Variants in PHLDB2 observed in about 807,000 individuals in gnomAD.
PHLDB2 encodes the protein pleckstrin homology like domain family B member 2.
PHLDB2 carries 71 observed loss-of-function variants against 123.6 expected under a neutral mutation model. That is an observed-to-expected ratio of 0.57 (90% CI 0.47 to 0.70). PHLDB2 has a LOEUF of 0.70. PHLDB2 is among the 30% of genes least tolerant of loss of function. The probability of loss-of-function intolerance (pLI) is 0.00; values close to 1 mark genes in which losing one functional copy is unlikely to be tolerated. For synonymous variants in PHLDB2, 547 were observed against 541.6 expected, an observed-to-expected ratio of 1.01 and a Z score of -0.14; for missense variants, 1,446 against 1,519.5, an observed-to-expected ratio of 0.95 and a Z score of 0.80.
At chr3:111,780,414 A>AGAAGAAGAAGAAGAT (rs2060422652) in intron 1 of PHLDB2, among the ~76,000 whole-genome samples, 3 of 146,504 alleles carry the variant, frequency 2.0e-5, no homozygotes, top group African/African-American at 7.8e-5. Context: ...AAGAAGAAAA[A>AGAAGAAGAAGAAGAT]GATTAGTTCG....
At chr3:111,859,759 C>G (rs1015262751) in intron 1 of PHLDB2, 183 bp downstream of exon 1, 10 of 985,442 alleles carry the variant, frequency 1.0e-5, no homozygotes, top group Non-Finnish European at 1.2e-5. Context: ...GCTGACTGCT[C>G]ACCGCGAGTC....
chr3:111,887,637 A>G (rs554010907), intron 2 of PHLDB2, among the ~76,000 whole-genome samples: 3 of 152,326 alleles, frequency 2.0e-5, no homozygotes, highest in East Asian at 3.9e-4. Flanking sequence ...ATAAAACATT[A>G]AAAATAATAC....
chr3:111,918,355 G>C (rs1450970557), intron 3 of PHLDB2, among the ~76,000 whole-genome samples: 2 of 152,182 alleles, frequency 1.3e-5, no homozygotes, highest in Non-Finnish European at 2.9e-5. Flanking sequence ...CCAGTGTCCT[G>C]TTTTAGGGAG....
chr3:111,836,664 T>G (rs1405766428), intron 1 of PHLDB2, among the ~76,000 whole-genome samples: 1 of 152,130 alleles, frequency 6.6e-6, no homozygotes, highest in Non-Finnish European at 1.5e-5. Flanking sequence ...TTTAATTGAC[T>G]TACAGTTCCA....
At chr3:111,754,268 C>A (rs1174640214) in intron 1 of PHLDB2, among the ~76,000 whole-genome samples, 1 of 144,924 alleles carries the variant, frequency 6.9e-6, no homozygotes, top group Non-Finnish European at 1.5e-5. Context: ...GATATTGATT[C>A]TTCCTACCCA....
intron 5 of PHLDB2, among the ~76,000 whole-genome samples, chr3:111,926,889 T>C (rs2068841636): frequency 6.6e-6 from 1 of 152,188 alleles, no homozygotes; most frequent in African/African-American, 2.4e-5. Flanking sequence ...TCACTGGAAA[T>C]GTCATATAAT....
intron 1 of PHLDB2, among the ~76,000 whole-genome samples, chr3:111,755,958 G>A (rs1243091529): frequency 1.3e-5 from 2 of 151,318 alleles, no homozygotes; most frequent in East Asian, 1.9e-4. Context: ...GTAGTTGAGT[G>A]GTTTTGAGTG....
At chr3:111,832,660 T>C (rs1343353655) in intron 1 of PHLDB2, among the ~76,000 whole-genome samples, 15 of 116,372 alleles carry the variant, frequency 1.3e-4, no homozygotes, top group African/African-American at 5.1e-4. Flanking sequence ...ATTATACATA[T>C]AATATATATA....
At chr3:111,950,419 T>A (rs2070636852) in intron 10 of PHLDB2, among the ~76,000 whole-genome samples, 1 of 152,194 alleles carries the variant, frequency 6.6e-6, no homozygotes, top group South Asian at 2.1e-4. Context: ...AAAAATTATC[T>A]CCATATTAAA....
At chr3:111,801,813 C>T (rs145048936) in intron 1 of PHLDB2, among the ~76,000 whole-genome samples, 36 of 152,040 alleles carry the variant, frequency 2.4e-4, no homozygotes, top group Admixed American at 1.3e-3. Flanking sequence ...ACAGAACATA[C>T]ATTAGTGGTT....
chr3:111,905,715 C>T (rs2067479851), intron 2 of PHLDB2, among the ~76,000 whole-genome samples: 1 of 152,152 alleles, frequency 6.6e-6, no homozygotes, highest in Non-Finnish European at 1.5e-5. Context: ...GATTCCTCAA[C>T]ATGTTTTGCT....
At chr3:111,760,479 G>C (rs1377347504) in intron 1 of PHLDB2, among the ~76,000 whole-genome samples, 1 of 152,046 alleles carries the variant, frequency 6.6e-6, no homozygotes, top group African/African-American at 2.4e-5. Context: ...TTTTCAATTA[G>C]GAAAAGCAGC....
chr3:111,819,626 A>T (rs999449519), intron 1 of PHLDB2, among the ~76,000 whole-genome samples: 3 of 152,172 alleles, frequency 2.0e-5, no homozygotes, highest in Non-Finnish European at 4.4e-5. Flanking sequence ...TGCCCAAAAA[A>T]CCAAAGTGGG....
chr3:111,870,550 G>T (rs760247305), intron 1 of PHLDB2, among the ~76,000 whole-genome samples: 1 of 152,118 alleles, frequency 6.6e-6, no homozygotes, highest in African/African-American at 2.4e-5. Context: ...GTGTTTTGAT[G>T]TTGGGATTAG....
At chr3:111,767,030 CAAAAAAAAAA>C (rs5851783) in intron 1 of PHLDB2, among the ~76,000 whole-genome samples, 1 of 63,040 alleles carries the variant, frequency 1.6e-5, no homozygotes, top group Non-Finnish European at 3.0e-5. Flanking sequence ...GACTTCATCT[CAAAAAAAAAA>C]AAAAAAAAAA....
intron 1 of PHLDB2, among the ~76,000 whole-genome samples, chr3:111,798,544 G>A (rs546421398): frequency 4.6e-5 from 7 of 152,088 alleles, no homozygotes; most frequent in Admixed American, 3.3e-4. Flanking sequence ...CAGGTGCAGT[G>A]TATCATACCT....
chr3:111,910,496 G>A (rs1445835154), intron 2 of PHLDB2, among the ~76,000 whole-genome samples: 2 of 152,164 alleles, frequency 1.3e-5, no homozygotes, highest in Non-Finnish European at 2.9e-5. Context: ...GTTAGGTGAA[G>A]CTTCAAAGAA....
chr3:111,834,376 G>T (rs908180827), intron 1 of PHLDB2, among the ~76,000 whole-genome samples: 3 of 142,716 alleles, frequency 2.1e-5, no homozygotes, highest in African/African-American at 7.7e-5. Context: ...ATAGTCATCT[G>T]ATTTTTATAT....
At chr3:111,937,834 G>T (rs1242886141) in intron 6 of PHLDB2, among the ~76,000 whole-genome samples, 1 of 148,584 alleles carries the variant, frequency 6.7e-6, no homozygotes, top group South Asian at 2.2e-4. Context: ...AAACATACGC[G>T]ATTTATAAAT....
Sources: gnomAD v4.1 joint callset for allele counts (sites outside exome capture counted in the v4.1 genomes callset) on GRCh38, gnomAD v4.1.1 for gene constraint, MANE v1.5 for transcripts, NCBI Gene and HGNC (gene_info 2026-07-23, HGNC 2026-07-21) for gene names.